Variants in FAM149B1 observed in about 807,000 individuals in gnomAD.
The protein encoded by FAM149B1 is primary cilium assembly protein FAM149B1.
FAM149B1 carries 56 observed loss-of-function variants against 75.3 expected under a neutral mutation model. The observed-to-expected ratio is 0.74, with a 90% CI of 0.60 to 0.93. The LOEUF (loss-of-function observed/expected upper bound fraction) is 0.93. FAM149B1 is among the 40% of genes least tolerant of loss of function. The pLI, the probability that FAM149B1 is intolerant of heterozygous loss-of-function variation, is 0.00. For synonymous variants in FAM149B1, 259 were observed against 256.1 expected (o/e 1.01, Z -0.11); for missense variants, 639 against 708.4 (o/e 0.90, Z 1.11).
chr10:73,185,607 T>G (rs906430059), intron 3 of FAM149B1, among the ~76,000 whole-genome samples: 28 of 152,204 alleles, frequency 1.8e-4, no homozygotes, highest in African/African-American at 6.8e-4. Context: ...GCTAGTAAAC[T>G]CTATCAAATA....
chr10:73,232,981 C>G lies in FAM149B1; in HGVS notation c.1170C>G (p.Thr390=). ...DKLLMRPGSS[T]ILSTRNWPNR... ...TACTTATGAGGCCTGGGTCCAGTAC[C>G]ATCCTTTCAACTCGAAATTGGCCAA... Residue 390 remains threonine, a synonymous_variant, in exon 10 of 14, where the codon ACC becomes ACG. Coordinates refer to ENST00000242505, the MANE Select transcript of FAM149B1 (RefSeq NM_173348.2). 4 of 1,551,876 alleles carry G rather than the reference C, an allele frequency of 2.6e-6. No homozygotes were observed. The highest frequency in any genetic ancestry group is 3.5e-6 in the Non-Finnish European group (4 of 1,146,870).
chr10:73,192,599 C>T lies in FAM149B1; in HGVS notation c.326C>T (p.Thr109Ile). 1 of 1,551,888 alleles carries T rather than the reference C, an allele frequency of 6.4e-7. No individual in the cohort carries two copies. The highest frequency in any genetic ancestry group is 1.2e-5 in the South Asian group (1 of 83,962). The part of the protein sequence containing the change: ...NATEKVQTMF[T>I]AIDELLYEQK... ...ACTGAAAAAGTCCAGACAATGTTCA[C>T]AGCCATTGATGAACTCTTGTATGAG... Residue 109 changes from threonine (T) to isoleucine (I), a missense_variant, in exon 4 of 14, where the codon ACA (threonine) becomes ATA (isoleucine). Coordinates refer to ENST00000242505, the MANE Select transcript of FAM149B1 (RefSeq NM_173348.2).
chr10:73,168,212 G>C lies in FAM149B1; in HGVS notation c.-128G>C. On this transcript the variant is annotated 5_prime_UTR_variant, in exon 1 of 14. Coordinates refer to ENST00000242505, the MANE Select transcript of FAM149B1 (RefSeq NM_173348.2). ...GCTCGGAGTCTAGGTGACGGGGCGAGACGGGGCCGGTAGGTGGCGGGAGGG... is the reference window on the plus strand; with the variant it reads ...GCTCGGAGTCTAGGTGACGGGGCGACACGGGGCCGGTAGGTGGCGGGAGGG... The C allele has an allele frequency of 1.0e-6, 1 of 993,538 alleles. No homozygotes were observed. Among genetic ancestry groups the C allele is most frequent in the East Asian group, 2.8e-5 (1 of 35,896 alleles). The allele number at this position is 993,538 out of a possible 1,614,324, so 61.5% of individuals were successfully genotyped here.
Position 73,239,021 on chromosome 10 carries a change from G to A in FAM149B1, c.1603-291G>A, listed in dbSNP as rs565313309. On this transcript the variant is annotated intron_variant, in intron 12 of 13. Transcript: ENST00000242505. ...AAAAGAAATGAGACGAACCCCCTTA[G>A]AACTAACTGAAATATTAAACCATAT... 51 of 274,722 alleles carry A rather than the reference G, an allele frequency of 1.9e-4. No homozygotes were observed. The East Asian group carries it at 3.5e-3, about 19-fold the overall frequency. 17.0% of individuals were successfully genotyped at this position (274,722 alleles called of 1,614,324 possible).
At chr10:73,189,442 A>G (rs2042626888) in intron 3 of FAM149B1, among the ~76,000 whole-genome samples, 1 of 152,254 alleles carries the variant, frequency 6.6e-6, no homozygotes, top group Non-Finnish European at 1.5e-5. Flanking sequence ...ATGAATGTTT[A>G]TATCAGCTTT....
intron 7 of FAM149B1, among the ~76,000 whole-genome samples, chr10:73,218,943 T>C (rs2043350492): frequency 6.6e-6 from 1 of 152,166 alleles, no homozygotes; most frequent in African/African-American, 2.4e-5. Context: ...CACTTACAAG[T>C]TGTGCTTTCT....
intron 3 of FAM149B1, among the ~76,000 whole-genome samples, chr10:73,182,232 TA>T (rs760806414): frequency 1.4e-5 from 2 of 145,706 alleles, no homozygotes; most frequent in African/African-American, 2.7e-5. Context: ...TTTTTTTTTT[TA>T]AATGGAGTTT....
chr10:73,210,367 A>G lies in FAM149B1; in HGVS notation c.827A>G (p.Asp276Gly). The change falls in exon 7 of 14, where the codon GAC becomes GGC. Residue 276 changes from aspartate (D) to glycine (G), a missense_variant. Transcript: ENST00000242505. ...GAAGATGTCCTTGCTTATGTGTTTG[A>G]CAGTGTATGGTGCAAGGTTGTGAGC... ...MKEDVLAYVFDSVWCKVVSCM... is the reference protein window; with the variant it reads ...MKEDVLAYVFGSVWCKVVSCM... 6.4e-7 allele frequency: 1 copy of G among 1,551,632 alleles called. No homozygotes were observed. The highest frequency in any genetic ancestry group is 8.7e-7 in the Non-Finnish European group (1 of 1,146,896).
chr10:73,243,831 T>C lies in FAM149B1; in HGVS notation c.*2812T>C. ...GATCATTAAAGATGTGGCAACAAAC[T>C]GCCAAGTTTACCTGAATGGCTGCCT... On this transcript the variant is annotated 3_prime_UTR_variant, in exon 14 of 14. Transcript: ENST00000242505. 1 of 1,608,328 alleles carries C rather than the reference T, an allele frequency of 6.2e-7. No homozygotes were observed. The highest frequency in any genetic ancestry group is 8.5e-7 in the Non-Finnish European group (1 of 1,177,558).
chr10:73,171,406 C>A (rs1843708120), intron 1 of FAM149B1, among the ~76,000 whole-genome samples: 1 of 151,994 alleles, frequency 6.6e-6, no homozygotes, highest in African/African-American at 2.4e-5. Context: ...TGATAACCTG[C>A]TTTGAAGCCG....
At position 73,236,864 on chromosome 10, in the gene FAM149B1, T is replaced by G. The variant is rs188979227; in HGVS notation, c.1602+1546T>G. On this transcript the variant is annotated intron_variant, in intron 12 of 13. Transcript: ENST00000242505. Reference sequence around the variant, plus strand: ...CTGAGTAGCTGGGACTACAGGCACATGCCACCATGCCCTGCTAATTTTTTT... The same window carrying G: ...CTGAGTAGCTGGGACTACAGGCACAGGCCACCATGCCCTGCTAATTTTTTT... Among the ~76,000 whole-genome samples the G allele has an allele frequency of 1.9e-3, 291 of 151,812 alleles. 3 individuals carry two copies. Among genetic ancestry groups the G allele is most frequent in the African/African-American group, 6.6e-3 (274 of 41,372 alleles).
In FAM149B1 at chr10:73,226,050, T is replaced by TAAG. The variant is rs2043535516; in HGVS notation, c.899-2009_899-2007dup. On this transcript the variant is annotated intron_variant, in intron 7 of 13. Coordinates refer to ENST00000242505, the MANE Select transcript of FAM149B1 (RefSeq NM_173348.2). ...CATTCTCAGAAGGTATCCCTGTTGT[T>TAAG]AAGTAACATGAGTGTAAAATGGTAA... Among the ~76,000 whole-genome samples, 5 of 152,194 alleles carry TAAG rather than the reference T, an allele frequency of 3.3e-5. No individual in the cohort carries two copies. The South Asian group carries it at 1.0e-3, about 32-fold the overall frequency.
chr10:73,232,542 CA>C (rs1484851115), intron 9 of FAM149B1, among the ~76,000 whole-genome samples: 3 of 152,208 alleles, frequency 2.0e-5, no homozygotes, highest in South Asian at 4.1e-4. Flanking sequence ...TTTCTGGTGA[CA>C]ATCTTTCAGC....
intron 1 of FAM149B1, among the ~76,000 whole-genome samples, chr10:73,171,883 C>A (rs1843733898): frequency 6.6e-6 from 1 of 152,188 alleles, no homozygotes. Flanking sequence ...CTGCCTCAGC[C>A]TCCCAAAGTG....
chr10:73,207,551 G>A (rs961939383), intron 5 of FAM149B1, among the ~76,000 whole-genome samples: 21 of 151,510 alleles, frequency 1.4e-4, no homozygotes, highest in Admixed American at 4.6e-4. Flanking sequence ...GCGACAGAAC[G>A]AGACTCTGTC....
intron 3 of FAM149B1, among the ~76,000 whole-genome samples, chr10:73,178,333 A>G (rs1453892740): frequency 6.6e-6 from 1 of 152,162 alleles, no homozygotes; most frequent in Non-Finnish European, 1.5e-5. Flanking sequence ...CTCTACTAAA[A>G]ATACAAAATT....
intron 7 of FAM149B1, among the ~76,000 whole-genome samples, chr10:73,212,865 T>TTCTCTCTCTCTC (rs57783137): frequency 0.1 from 15,087 of 150,808 alleles, 1,072 homozygotes; most frequent in East Asian, 0.3. Context: ...CTCTCTGTGT[T>TTCTCTCTCTCTC]TCTCTCTCTC....
chr10:73,169,803 T>C (rs1241008161), intron 1 of FAM149B1, among the ~76,000 whole-genome samples: 1 of 152,130 alleles, frequency 6.6e-6, no homozygotes, highest in Non-Finnish European at 1.5e-5. Context: ...TATGATTATC[T>C]TCAGTCTTTC....
At chr10:73,202,559 A>G (rs1477947030) in intron 5 of FAM149B1, among the ~76,000 whole-genome samples, 1 of 151,916 alleles carries the variant, frequency 6.6e-6, no homozygotes. Flanking sequence ...CAGCCTCCCA[A>G]GTAGCTGGGA....
Sources: gnomAD v4.1 joint callset for allele counts (sites outside exome capture counted in the v4.1 genomes callset) on GRCh38, gnomAD v4.1.1 for gene constraint, MANE v1.5 for transcripts, NCBI Gene and HGNC (gene_info 2026-07-23, HGNC 2026-07-21) for gene names.